Variants in RNF4 observed in about 807,000 individuals in gnomAD.
RNF4 encodes the protein E3 ubiquitin-protein ligase RNF4.
RNF4 carries 7 observed loss-of-function variants against 24.3 expected under a neutral mutation model. The ratio of observed to expected loss-of-function variants is 0.29; its 90% CI spans 0.16 to 0.54. RNF4 has a LOEUF of 0.54. RNF4 is among the 20% of genes least tolerant of loss of function. The pLI is 0.95. For missense variants in RNF4, 209 were observed against 248.5 expected (o/e 0.84, Z 1.07); for synonymous variants, 83 against 84.3 (o/e 0.98, Z 0.09).
At chr4:2,497,217 A>G in intron 3 of RNF4, 96 bp downstream of exon 3, 1 of 832,882 alleles carries the variant, frequency 1.2e-6, no homozygotes, top group South Asian at 1.7e-5. Context: ...CAGTGTCTTT[A>G]GAAGGCCTAT....
intron 2 of RNF4, among the ~76,000 whole-genome samples, chr4:2,495,532 C>T (rs1056481167): frequency 6.6e-6 from 1 of 151,710 alleles, no homozygotes; most frequent in Non-Finnish European, 1.5e-5. Context: ...GTACTTGTCC[C>T]AGGTTGTCCA....
intron 1 of RNF4, among the ~76,000 whole-genome samples, chr4:2,478,024 G>A (rs893480352): frequency 2.0e-5 from 3 of 152,204 alleles, no homozygotes; most frequent in East Asian, 1.9e-4. Flanking sequence ...TCCAGGCTGA[G>A]ATGGTCTCAG....
intron 3 of RNF4, among the ~76,000 whole-genome samples, chr4:2,498,130 C>T (rs781675907): frequency 1.3e-5 from 2 of 152,156 alleles, no homozygotes; most frequent in Non-Finnish European, 2.9e-5. Context: ...ACTTGTCATC[C>T]TCTAGGCAGT....
chr4:2,476,673 G>T (rs1285258892), intron 1 of RNF4, among the ~76,000 whole-genome samples: 1 of 151,022 alleles, frequency 6.6e-6, no homozygotes, highest in Non-Finnish European at 1.5e-5. Context: ...TTACAGGTGT[G>T]AGCCACCACG....
intron 3 of RNF4, among the ~76,000 whole-genome samples, chr4:2,498,419 C>T (rs1735802526): frequency 1.3e-5 from 2 of 151,864 alleles, no homozygotes; most frequent in South Asian, 4.2e-4. Flanking sequence ...AACTCCTGAC[C>T]TCAGATTATC....
At chr4:2,507,468 G>A (rs762129505) in intron 4 of RNF4, among the ~76,000 whole-genome samples, 17 of 152,382 alleles carry the variant, frequency 1.1e-4, no homozygotes, top group South Asian at 2.1e-4. Flanking sequence ...GATGTGTGTA[G>A]CTGTTGGACA....
At position 2,511,608 on chromosome 4, in the gene RNF4, A is replaced by T. The variant is rs1736269248; in HGVS notation, c.205-348A>T. On this transcript the variant is annotated intron_variant, in intron 4 of 7. Transcript: ENST00000314289. Reference sequence around the variant, plus strand: ...AAGGTCCCCAGGTCTTGCAGTCAGCACATGGTGTGGCTGTGGCAGCCCCCA... The same window carrying T: ...AAGGTCCCCAGGTCTTGCAGTCAGCTCATGGTGTGGCTGTGGCAGCCCCCA... 2.4e-5 allele frequency among the ~76,000 whole-genome samples: 3 copies of T among 123,446 alleles called. 1 individual carries two copies. In the Admixed American group the frequency reaches 2.5e-4, roughly 10 times the overall value. 81.0% of individuals were successfully genotyped at this position (123,446 alleles called of 152,430 possible).
At chr4:2,488,143 GC>G (rs1396167354) in intron 1 of RNF4, among the ~76,000 whole-genome samples, 1 of 152,196 alleles carries the variant, frequency 6.6e-6, no homozygotes, top group African/African-American at 2.4e-5. Context: ...TGTGAATGAG[GC>G]GGGGAGGTAT....
At chr4:2,491,433 G>A (rs147930463) in intron 2 of RNF4, among the ~76,000 whole-genome samples, 1 of 152,170 alleles carries the variant, frequency 6.6e-6, no homozygotes, top group African/African-American at 2.4e-5. Context: ...ACCAGTTTTT[G>A]CCATGTTGGC....
intron 2 of RNF4, among the ~76,000 whole-genome samples, chr4:2,492,070 G>A (rs966862806): frequency 3.3e-5 from 5 of 151,906 alleles, no homozygotes; most frequent in African/African-American, 7.3e-5. Context: ...TAGTTGGCGG[G>A]CGCCTGTAGT....
At chr4:2,478,638 G>C (rs532223001) in intron 1 of RNF4, among the ~76,000 whole-genome samples, 9 of 152,384 alleles carry the variant, frequency 5.9e-5, no homozygotes, top group Non-Finnish European at 1.3e-4. Flanking sequence ...CTTCCACATG[G>C]TGTTGAGCCT....
At chr4:2,484,427 A>C (rs780130968) in intron 1 of RNF4, among the ~76,000 whole-genome samples, 2 of 152,050 alleles carry the variant, frequency 1.3e-5, no homozygotes, top group South Asian at 2.1e-4. Context: ...ATCCATTAGC[A>C]GACTCCTTTA....
At chr4:2,478,143 A>G (rs950208951) in intron 1 of RNF4, among the ~76,000 whole-genome samples, 10 of 152,176 alleles carry the variant, frequency 6.6e-5, no homozygotes, top group Non-Finnish European at 1.3e-4. Context: ...TGGAACTTTG[A>G]ACTTGAGAAA....
At chr4:2,488,492 A>G (rs1408939399) in intron 1 of RNF4, among the ~76,000 whole-genome samples, 1 of 152,026 alleles carries the variant, frequency 6.6e-6, no homozygotes, top group Non-Finnish European at 1.5e-5. Flanking sequence ...ACTGAGTGGG[A>G]TGTGATATCA....
chr4:2,509,148 A>T (rs1057240985), intron 4 of RNF4, among the ~76,000 whole-genome samples: 1 of 149,460 alleles, frequency 6.7e-6, no homozygotes, highest in East Asian at 2.0e-4. Flanking sequence ...CAAACTCCCG[A>T]CCTCAGGTTT....
intron 1 of RNF4, among the ~76,000 whole-genome samples, chr4:2,488,386 C>T (rs1284970769): frequency 6.6e-6 from 1 of 152,150 alleles, no homozygotes; most frequent in East Asian, 1.9e-4. Context: ...TCACTTGAAC[C>T]TGGGAGGTGG....
chr4:2,502,385 C>G (rs1338603554), intron 4 of RNF4, among the ~76,000 whole-genome samples: 3 of 152,010 alleles, frequency 2.0e-5, no homozygotes, highest in African/African-American at 7.2e-5. Context: ...TTTTCTTTTG[C>G]TTTAGAAACA....
chr4:2,496,385 C>T (rs1376714594), intron 2 of RNF4, among the ~76,000 whole-genome samples: 1 of 152,166 alleles, frequency 6.6e-6, no homozygotes, highest in Admixed American at 6.5e-5. Flanking sequence ...GCCTTTTGGC[C>T]AGGGCATCCA....
Position 2,512,207 on chromosome 4 carries a change from G to T in RNF4, c.215-231G>T. 1.5e-6 allele frequency: 1 copy of T among 647,832 alleles called. No homozygotes were observed. Among genetic ancestry groups the T allele is most frequent in the Non-Finnish European group, 2.7e-6 (1 of 375,380 alleles). The allele number at this position is 647,832 out of a possible 1,614,324, so 40.1% of individuals were successfully genotyped here. On this transcript the variant is annotated intron_variant, in intron 5 of 7. Transcript: ENST00000314289. This position sits in a 1 kb window ranked among gnomAD's most constrained non-coding sequence, Gnocchi z 4.1. ...CCTTTCTTGTGGCCTACCAGATTTT[G>T]GAGAAGGCTGGTAGCTCACAGCAGG... is the stretch of plus-strand genomic sequence containing the variant.
Sources: allele counts gnomAD v4.1 joint callset (sites outside exome capture counted in the v4.1 genomes callset), GRCh38; gene constraint gnomAD v4.1.1; non-coding constraint Gnocchi (gnomAD v3.1); transcripts MANE v1.5; gene names NCBI Gene and HGNC (gene_info 2026-07-23, HGNC 2026-07-21).